The following NCALD variants were observed in gnomAD, a reference collection of about 807,000 sequenced individuals.
The protein encoded by NCALD is neurocalcin delta.
In NCALD, 10 loss-of-function variants were observed where a neutral mutation model predicts 18.6. The ratio of observed to expected loss-of-function variants is 0.54; its 90% CI spans 0.33 to 0.91. The LOEUF (loss-of-function observed/expected upper bound fraction) is 0.91. NCALD is among the 40% of genes least tolerant of loss of function. NCALD has a pLI of 0.03. For missense variants in NCALD, 184 were observed against 247.6 expected, an observed-to-expected ratio of 0.74 and a Z score of 1.72; for synonymous variants, 88 against 87.4, an observed-to-expected ratio of 1.01 and a Z score of -0.04.
intron 1 of NCALD, among the ~76,000 whole-genome samples, chr8:102,081,620 C>T (rs561244957): frequency 6.6e-6 from 1 of 151,194 alleles, no homozygotes; most frequent in Non-Finnish European, 1.5e-5. Flanking sequence ...TTACCTCTTC[C>T]GAACTCTGCA....
intron 1 of NCALD, among the ~76,000 whole-genome samples, chr8:101,766,186 A>G (rs1016453114): frequency 3.9e-5 from 6 of 152,190 alleles, no homozygotes; most frequent in South Asian, 2.1e-4. Flanking sequence ...AGGTCCCCCA[A>G]TCATATCTGA....
intron 1 of NCALD, among the ~76,000 whole-genome samples, chr8:102,053,267 C>T (rs542400787): frequency 3.0e-4 from 45 of 152,130 alleles, no homozygotes; most frequent in African/African-American, 1.0e-3. Flanking sequence ...TATGTCCTCT[C>T]AACATTAAGA....
chr8:102,026,357 T>C (rs1007147812), intron 1 of NCALD, among the ~76,000 whole-genome samples: 3 of 152,184 alleles, frequency 2.0e-5, no homozygotes, highest in Non-Finnish European at 2.9e-5. Context: ...ACTTCCTAGA[T>C]ACAATAGAGG....
rs553934443 is a variant in NCALD at position 101,742,099 on chromosome 8, A to G, written c.-19-22451T>C. The stretch of plus-strand genomic sequence containing the variant: ...AAACTCTGTCTCTACTGAAAAAAAA[A>G]AAAATTAGCTGGGCGTGGTGGTGGG... On this transcript the variant is annotated intron_variant, in intron 1 of 3. Transcript: ENST00000220931. Among the ~76,000 whole-genome samples the G allele has an allele frequency of 6.4e-4, 97 of 151,874 alleles. 2 individuals carry two copies. In the South Asian group the frequency reaches 0.02, roughly 31 times the overall value.
At chr8:102,109,563 G>A (rs763814955) in intron 1 of NCALD, among the ~76,000 whole-genome samples, 38 of 152,106 alleles carry the variant, frequency 2.5e-4, no homozygotes, top group Non-Finnish European at 4.6e-4. Flanking sequence ...TTGCCCACTC[G>A]CCAGTGTCAA....
intron 1 of NCALD, among the ~76,000 whole-genome samples, chr8:101,779,528 T>C (rs555041443): frequency 3.3e-5 from 5 of 152,256 alleles, no homozygotes; most frequent in African/African-American, 1.2e-4. Context: ...GTTTAAACAA[T>C]TTGTGGAATG....
chr8:101,955,319 C>T (rs370055956), intron 2 of NCALD, among the ~76,000 whole-genome samples: 29 of 152,188 alleles, frequency 1.9e-4, no homozygotes, highest in East Asian at 1.4e-3. Flanking sequence ...TATTCTCTTT[C>T]GTAGAGAGGG....
At chr8:101,988,532 T>C (rs1820914476) in intron 2 of NCALD, among the ~76,000 whole-genome samples, 1 of 152,164 alleles carries the variant, frequency 6.6e-6, no homozygotes, top group African/African-American at 2.4e-5. Flanking sequence ...TTCAAAAGGT[T>C]GTTATGAAGA....
At chr8:101,981,295 A>C (rs570056716) in intron 2 of NCALD, among the ~76,000 whole-genome samples, 1 of 152,282 alleles carries the variant, frequency 6.6e-6, no homozygotes, top group Non-Finnish European at 1.5e-5. Flanking sequence ...GTTCCTTCAG[A>C]TGTCCTATCT....
At chr8:101,720,002 G>C (rs1586298106) in intron 1 of NCALD, among the ~76,000 whole-genome samples, 1 of 152,156 alleles carries the variant, frequency 6.6e-6, no homozygotes, top group South Asian at 2.1e-4. Flanking sequence ...TTTGCCAGAG[G>C]TTGAGCTTAA....
chr8:102,103,186 C>T (rs978114871), intron 1 of NCALD, among the ~76,000 whole-genome samples: 1 of 152,004 alleles, frequency 6.6e-6, no homozygotes, highest in Non-Finnish European at 1.5e-5. Context: ...CCCGTGCCTT[C>T]CCTCCCCTCT....
chr8:101,979,746 T>G (rs954722216), intron 2 of NCALD, among the ~76,000 whole-genome samples: 2 of 152,204 alleles, frequency 1.3e-5, no homozygotes, highest in African/African-American at 4.8e-5. Flanking sequence ...CAAATCATTA[T>G]AAAACAGAGC....
chr8:102,113,999 C>T (rs1358508827), intron 1 of NCALD, among the ~76,000 whole-genome samples: 5 of 152,232 alleles, frequency 3.3e-5, no homozygotes, highest in Admixed American at 2.6e-4. Context: ...AAGGGGGTCA[C>T]TCCGTAGAAC....
At chr8:101,911,622 G>A (rs77117940) in intron 3 of NCALD, among the ~76,000 whole-genome samples, 22,537 of 151,998 alleles carry the variant, frequency 0.15, 2,340 homozygotes, top group African/African-American at 0.3. Flanking sequence ...CTCCCAAAGC[G>A]CTGGGATTAC....
intron 1 of NCALD, among the ~76,000 whole-genome samples, chr8:102,057,944 GT>G (rs1823712248): frequency 1.3e-5 from 2 of 152,224 alleles, no homozygotes; most frequent in Non-Finnish European, 2.9e-5. Context: ...GTAGGTTACA[GT>G]CAATTTAAAG....
chr8:101,768,714 A>C (rs1811454096), intron 1 of NCALD, among the ~76,000 whole-genome samples: 1 of 81,512 alleles, frequency 1.2e-5, no homozygotes, highest in African/African-American at 3.7e-5. Context: ...ATCTCAAAAA[A>C]CAAAAAAACA....
intron 2 of NCALD, among the ~76,000 whole-genome samples, chr8:101,995,021 A>G (rs1321466772): frequency 6.6e-6 from 1 of 152,012 alleles, no homozygotes; most frequent in Non-Finnish European, 1.5e-5. Context: ...ATATGGTAGG[A>G]TTTCAACAAA....
At chr8:101,977,447 T>G (rs755092150) in intron 2 of NCALD, among the ~76,000 whole-genome samples, 3 of 151,992 alleles carry the variant, frequency 2.0e-5, no homozygotes, top group Non-Finnish European at 2.9e-5. Context: ...TGTTGTTAAG[T>G]TCCCCGAAGA....
At position 102,084,649 on chromosome 8, in the gene NCALD, C is replaced by T. The variant is rs141064210; in HGVS notation, c.-210+39588G>A. Reference sequence around the variant, plus strand: ...AAATTATACACAAGCTCACTTGAGGCGTTTTTCCCTTACCAGCAGAGTGTT... The same window carrying T: ...AAATTATACACAAGCTCACTTGAGGTGTTTTTCCCTTACCAGCAGAGTGTT... On this transcript the variant is annotated intron_variant, in intron 1 of 6. Coordinates refer to the NCALD transcript ENST00000311028. 5.6e-4 allele frequency among the ~76,000 whole-genome samples: 85 copies of T among 152,294 alleles called. No homozygotes were observed. In the South Asian group the frequency reaches 8.1e-3, roughly 14 times the overall value.
Sources: gnomAD v4.1 joint callset for allele counts (sites outside exome capture counted in the v4.1 genomes callset) on GRCh38, gnomAD v4.1.1 for gene constraint, MANE v1.5 for transcripts, NCBI Gene and HGNC (gene_info 2026-07-23, HGNC 2026-07-21) for gene names.